Variants in RGS7 observed in about 807,000 individuals in gnomAD.
RGS7 encodes regulator of G-protein signaling 7.
In RGS7, 27 loss-of-function variants were observed where a neutral mutation model predicts 81.1. The observed-to-expected ratio is 0.33, with a 90% CI of 0.25 to 0.46. RGS7 has a LOEUF of 0.46. Ranked by LOEUF, RGS7 falls within the 20% of genes least tolerant of loss-of-function variation. The pLI, the probability that RGS7 is intolerant of heterozygous loss-of-function variation, is 1.00. For missense variants in RGS7, 396 were observed against 607.4 expected (o/e 0.65, Z 3.66); for synonymous variants, 208 against 207.7 (o/e 1.00, Z -0.01).
intron 2 of RGS7, among the ~76,000 whole-genome samples, chr1:241,171,814 T>G (rs2070755732): frequency 6.6e-6 from 1 of 152,190 alleles, no homozygotes; most frequent in Non-Finnish European, 1.5e-5. Flanking sequence ...TTTGTAATTT[T>G]TTGTTCATCT....
At chr1:241,139,015 A>G (rs543922237) in intron 2 of RGS7, among the ~76,000 whole-genome samples, 1 of 152,258 alleles carries the variant, frequency 6.6e-6, no homozygotes, top group African/African-American at 2.4e-5. Flanking sequence ...CTGTCACTAC[A>G]GATTGGCCTT....
intron 18 of RGS7, among the ~76,000 whole-genome samples, chr1:240,793,602 TATATA>T (rs1260750621): frequency 2.8e-5 from 3 of 106,226 alleles, no homozygotes; most frequent in Admixed American, 8.5e-5. Flanking sequence ...TATATATATA[TATATA>T]TATATTTTTT....
chr1:241,153,859 A>G (rs143053103), intron 2 of RGS7, among the ~76,000 whole-genome samples: 4 of 152,324 alleles, frequency 2.6e-5, no homozygotes, highest in Non-Finnish European at 5.9e-5. Context: ...AGGAAGGAAG[A>G]AATGGGGTTT....
Position 241,098,700 on chromosome 1 carries a change from T to A in RGS7, c.141A>T (p.Lys47Asn). The A allele has an allele frequency of 6.2e-7, 1 of 1,613,696 alleles. No homozygotes were observed. Among genetic ancestry groups the A allele is most frequent in the Non-Finnish European group, 8.5e-7 (1 of 1,179,778 alleles). The change falls in exon 3 of 19, where the codon AAA (lysine) becomes AAT (asparagine). Residue 47 changes from lysine to asparagine, a missense_variant. Physicochemically the swap from Lys to Asn is moderately conservative, Grantham distance 94. Transcript: ENST00000440928. The part of the protein sequence containing the change: ...EKNGIPIRTV[K>N]SFLSKIPSVF... ...CGCTAGGTATCTTGGAAAGAAAGCTTTTGACCGTACGAATAGGAATTCCAT... is the reference window on the plus strand; with the variant it reads ...CGCTAGGTATCTTGGAAAGAAAGCTATTGACCGTACGAATAGGAATTCCAT...
chr1:241,275,914 A>T (rs1448135027), intron 2 of RGS7, among the ~76,000 whole-genome samples: 1 of 152,256 alleles, frequency 6.6e-6, no homozygotes, highest in Non-Finnish European at 1.5e-5. Flanking sequence ...GCAAAACCTA[A>T]CAATAATTCT....
At chr1:240,780,607 T>C (rs370967485) in intron 18 of RGS7, among the ~76,000 whole-genome samples, 2 of 151,934 alleles carry the variant, frequency 1.3e-5, no homozygotes, top group African/African-American at 4.8e-5. Flanking sequence ...TAATGTGATT[T>C]GGTTCAAAAT....
intron 3 of RGS7, among the ~76,000 whole-genome samples, chr1:240,990,959 T>C (rs1483211449): frequency 6.6e-6 from 1 of 152,250 alleles, no homozygotes; most frequent in Non-Finnish European, 1.5e-5. Flanking sequence ...TTTAGAGTTC[T>C]CTGCCCCTTG....
At chr1:241,342,299 C>G (rs376912073) in intron 2 of RGS7, among the ~76,000 whole-genome samples, 1 of 152,148 alleles carries the variant, frequency 6.6e-6, no homozygotes, top group South Asian at 2.1e-4. Flanking sequence ...TTAGGCCCAT[C>G]AGCACACCAG....
At chr1:241,354,572 A>G (rs1305588694) in intron 2 of RGS7, among the ~76,000 whole-genome samples, 2 of 152,186 alleles carry the variant, frequency 1.3e-5, no homozygotes, top group African/African-American at 2.4e-5. Flanking sequence ...CATATTCATC[A>G]CTACCTTTTA....
intron 5 of RGS7, among the ~76,000 whole-genome samples, chr1:240,933,288 T>G (rs1676021372): frequency 6.6e-6 from 1 of 151,976 alleles, no homozygotes; most frequent in South Asian, 2.1e-4. Context: ...TGCAGGCATA[T>G]CTATTTATCT....
chr1:241,178,184 T>C (rs974869565), intron 2 of RGS7, among the ~76,000 whole-genome samples: 26 of 152,088 alleles, frequency 1.7e-4, no homozygotes, highest in African/African-American at 6.3e-4. Flanking sequence ...CCCAGCTATT[T>C]GAGAGACTGA....
intron 2 of RGS7, among the ~76,000 whole-genome samples, chr1:241,317,907 C>T (rs1344859263): frequency 6.6e-6 from 1 of 152,154 alleles, no homozygotes; most frequent in Non-Finnish European, 1.5e-5. Context: ...CTGAATCATA[C>T]GCCTTCCCAG....
intron 2 of RGS7, among the ~76,000 whole-genome samples, chr1:241,105,923 A>G (rs894396453): frequency 1.3e-5 from 2 of 152,240 alleles, no homozygotes; most frequent in South Asian, 2.1e-4. Flanking sequence ...CTATGTGCAC[A>G]TACTTTCAAA....
At chr1:241,273,176 C>CT in intron 2 of RGS7, among the ~76,000 whole-genome samples, 1 of 12,088 alleles carries the variant, frequency 8.3e-5, no homozygotes, top group South Asian at 3.3e-3. Flanking sequence ...TAATAATGAA[C>CT]CCCCCCCCCC....
intron 6 of RGS7, among the ~76,000 whole-genome samples, chr1:240,911,742 A>T (rs1671780587): frequency 6.6e-6 from 1 of 152,204 alleles, no homozygotes; most frequent in South Asian, 2.1e-4. Context: ...AAACCCAGTC[A>T]GAAACCTTGG....
intron 2 of RGS7, among the ~76,000 whole-genome samples, chr1:241,130,410 C>T (rs140774248): frequency 4.6e-5 from 7 of 150,934 alleles, no homozygotes; most frequent in East Asian, 1.9e-4. Flanking sequence ...TGTTCATTTC[C>T]GATACTTTTA....
At chr1:241,219,303 A>T (rs1038180036) in intron 2 of RGS7, among the ~76,000 whole-genome samples, 1 of 152,124 alleles carries the variant, frequency 6.6e-6, no homozygotes, top group African/African-American at 2.4e-5. Flanking sequence ...TTTTAAAAAG[A>T]GGAGTTTCCC....
chr1:241,267,052 C>G (rs757283931), intron 2 of RGS7, among the ~76,000 whole-genome samples: 5 of 152,158 alleles, frequency 3.3e-5, no homozygotes, highest in Admixed American at 6.5e-5. Context: ...ATTCATTTTT[C>G]TTTCCTGGAG....
intron 2 of RGS7, among the ~76,000 whole-genome samples, chr1:241,289,519 A>T (rs2078987213): frequency 6.6e-6 from 1 of 152,232 alleles, no homozygotes; most frequent in African/African-American, 2.4e-5. Context: ...ATCAGGTTCT[A>T]CATATCTTGA....
Sources: gnomAD v4.1 joint callset for allele counts (sites outside exome capture counted in the v4.1 genomes callset) on GRCh38, gnomAD v4.1.1 for gene constraint, MANE v1.5 for transcripts, NCBI Gene and HGNC (gene_info 2026-07-23, HGNC 2026-07-21) for gene names.